Variants in ZFHX3 observed in about 807,000 individuals in gnomAD.
ZFHX3 encodes zinc finger homeobox protein 3.
In ZFHX3, 42 loss-of-function variants were observed where a neutral mutation model predicts 279.1. That is an observed-to-expected ratio of 0.15 (90% CI 0.12 to 0.19). The LOEUF (loss-of-function observed/expected upper bound fraction) is 0.19. ZFHX3 is among the 10% of genes least tolerant of loss of function. The pLI is 1.00. For missense variants in ZFHX3, 4,981 were observed against 4,754.0 expected (o/e 1.05, Z -1.40); for synonymous variants, 2,293 against 1,957.8 (o/e 1.17, Z -4.52).
chr16:73,456,496 C>T (rs760893993), intron 2 of ZFHX3, among the ~76,000 whole-genome samples: 4 of 152,120 alleles, frequency 2.6e-5, no homozygotes, highest in African/African-American at 9.7e-5. Context: ...AATTGGGCGT[C>T]CTTGGTGAAT....
chr16:73,746,125 G>A (rs1337661191), intron 1 of ZFHX3, among the ~76,000 whole-genome samples: 1 of 152,064 alleles, frequency 6.6e-6, no homozygotes, highest in African/African-American at 2.4e-5. Context: ...TGGGTGGGAA[G>A]AGAGACAGGG....
chr16:73,815,478 T>C (rs1200649912), intron 1 of ZFHX3: 3 of 152,140 alleles, frequency 2.0e-5, no homozygotes, highest in African/African-American at 7.2e-5. Flanking sequence ...ACATTGCACA[T>C]TATGTCAGTT....
intron 3 of ZFHX3, among the ~76,000 whole-genome samples, chr16:72,931,258 T>C (rs1959781402): frequency 1.3e-5 from 2 of 152,214 alleles, no homozygotes; most frequent in Non-Finnish European, 2.9e-5. Context: ...TTTGTTTCTG[T>C]TGCACATACT....
chr16:73,496,819 A>C (rs2019149875), intron 2 of ZFHX3, among the ~76,000 whole-genome samples: 1 of 152,120 alleles, frequency 6.6e-6, no homozygotes, highest in Admixed American at 6.5e-5. Flanking sequence ...GGAGTGAGGG[A>C]GGAGCCAGGT....
intron 2 of ZFHX3, among the ~76,000 whole-genome samples, chr16:73,579,124 T>A (rs1042570322): frequency 7.2e-5 from 11 of 152,206 alleles, no homozygotes; most frequent in African/African-American, 2.4e-4. Context: ...CTCCACAACC[T>A]CTTCTCGTAA....
chr16:73,753,962 T>A (rs1047218216), intron 1 of ZFHX3, among the ~76,000 whole-genome samples: 1 of 115,438 alleles, frequency 8.7e-6, no homozygotes, highest in Admixed American at 8.7e-5. Flanking sequence ...CTGCAAATAG[T>A]AATGAGAAAA....
chr16:73,700,980 A>T (rs527347505), intron 1 of ZFHX3, among the ~76,000 whole-genome samples: 24 of 152,152 alleles, frequency 1.6e-4, no homozygotes, highest in Non-Finnish European at 2.8e-4. Context: ...TTTTTAAGCA[A>T]AGGACTCTGT....
In ZFHX3 at chr16:73,886,988, G is replaced by A. The variant is rs542762780; in HGVS notation, c.-1608+4663C>T. ...GGTGATGAGAAAATGAAGGGTTTCC[G>A]CTGCTCTCTGGAAGAGGAATGCAAA... On this transcript the variant is annotated intron_variant, in intron 1 of 17. Transcript: ENST00000641206. Among the ~76,000 whole-genome samples the A allele has an allele frequency of 3.3e-5, 5 of 152,046 alleles. No individual in the cohort carries two copies. The South Asian group carries it at 6.2e-4, about 19-fold the overall frequency.
intron 1 of ZFHX3, among the ~76,000 whole-genome samples, chr16:73,788,302 G>A (rs956389675): frequency 2.6e-5 from 4 of 152,182 alleles, no homozygotes; most frequent in Admixed American, 6.5e-5. Flanking sequence ...GGCAAAGGAA[G>A]GTAGCATTCA....
chr16:73,513,383 G>C (rs2019466061), intron 2 of ZFHX3, among the ~76,000 whole-genome samples: 1 of 152,194 alleles, frequency 6.6e-6, no homozygotes, highest in Non-Finnish European at 1.5e-5. Context: ...CAGGAGGCCA[G>C]ATCCTCATGT....
chr16:73,574,992 C>T (rs575771898), intron 2 of ZFHX3, among the ~76,000 whole-genome samples: 4 of 152,294 alleles, frequency 2.6e-5, no homozygotes, highest in Admixed American at 1.3e-4. Flanking sequence ...TTTCAAGCTA[C>T]CACTTTGCAC....
chr16:72,824,871 G>C (rs2036894778), intron 5 of ZFHX3, among the ~76,000 whole-genome samples: 4 of 152,214 alleles, frequency 2.6e-5, no homozygotes, highest in Admixed American at 2.0e-4. Flanking sequence ...TGGTAAAAGA[G>C]AACAAGGGTC....
chr16:73,611,325 TC>T (rs1374947314), intron 2 of ZFHX3, among the ~76,000 whole-genome samples: 1 of 152,064 alleles, frequency 6.6e-6, no homozygotes, highest in Non-Finnish European at 1.5e-5. Flanking sequence ...GCTTTTAGTT[TC>T]CCCTAAAACA....
chr16:73,870,403 A>G lies in ZFHX3; in HGVS notation c.-1608+21248T>C, dbSNP rs201164214. Among the ~76,000 whole-genome samples, 32 of 152,284 alleles carry G rather than the reference A, an allele frequency of 2.1e-4. No homozygotes were observed. The East Asian group carries it at 6.0e-3, about 29-fold the overall frequency. On this transcript the variant is annotated intron_variant, in intron 1 of 17. Transcript: ENST00000641206. ...GTGTGCCATGCATCTGTTCAGTCCT[A>G]CGGAGGAGAGACAAGACTCAAGGAG... is the stretch of plus-strand genomic sequence containing the variant.
intron 8 of ZFHX3, among the ~76,000 whole-genome samples, chr16:73,079,035 T>C (rs1403236611): frequency 6.6e-6 from 1 of 152,154 alleles, no homozygotes; most frequent in East Asian, 1.9e-4. Context: ...TTTTTCATCA[T>C]GAAATATCTT....
chr16:73,804,162 C>T (rs957578076), intron 1 of ZFHX3, among the ~76,000 whole-genome samples: 12 of 151,844 alleles, frequency 7.9e-5, no homozygotes, highest in African/African-American at 2.4e-4. Context: ...TCTCAAAAAA[C>T]AAAAACAAAA....
chr16:73,405,869 T>G (rs2017349109), intron 3 of ZFHX3, among the ~76,000 whole-genome samples: 1 of 152,250 alleles, frequency 6.6e-6, no homozygotes, highest in Non-Finnish European at 1.5e-5. Flanking sequence ...TTTGGAATCT[T>G]CTTGAAAGGA....
At chr16:73,650,956 T>C (rs1158168282) in intron 2 of ZFHX3, among the ~76,000 whole-genome samples, 2 of 152,104 alleles carry the variant, frequency 1.3e-5, no homozygotes, top group Non-Finnish European at 2.9e-5. Flanking sequence ...AACAGACCTA[T>C]ACACATAAAT....
At chr16:73,479,704 T>C (rs2018830851) in intron 2 of ZFHX3, among the ~76,000 whole-genome samples, 1 of 152,100 alleles carries the variant, frequency 6.6e-6, no homozygotes, top group South Asian at 2.1e-4. Context: ...GCATATGTAA[T>C]GGGAAATGAT....
Sources: gnomAD v4.1 joint callset for allele counts (sites outside exome capture counted in the v4.1 genomes callset) on GRCh38, gnomAD v4.1.1 for gene constraint, MANE v1.5 for transcripts, NCBI Gene and HGNC (gene_info 2026-07-23, HGNC 2026-07-21) for gene names.